The following TYW1B variants were observed in gnomAD, a reference collection of about 807,000 sequenced individuals.
The protein encoded by TYW1B is tRNA-yW synthesizing protein 1 homolog B.
Under a neutral mutation model 86.9 loss-of-function variants are expected in TYW1B, and 73 were observed. The observed-to-expected ratio is 0.84, with a 90% CI of 0.70 to 1.02. TYW1B has a LOEUF of 1.02. Among genes scored for constraint, TYW1B ranks in the 50% least tolerant of loss-of-function variants. TYW1B has a pLI of 0.00. For synonymous variants in TYW1B, 248 were observed against 292.8 expected (o/e 0.85, Z 1.56); for missense variants, 637 against 827.4 (o/e 0.77, Z 2.82).
intron 11 of TYW1B, among the ~76,000 whole-genome samples, chr7:72,663,199 G>A (rs1813376930): frequency 6.6e-6 from 1 of 151,634 alleles, no homozygotes; most frequent in African/African-American, 2.4e-5. Context: ...GGTTGTGGGG[G>A]GGTTGGCGGC....
intron 10 of TYW1B, among the ~76,000 whole-genome samples, chr7:72,701,600 C>T (rs1723117667): frequency 6.6e-6 from 1 of 152,160 alleles, no homozygotes. Context: ...CTCCGGAAAT[C>T]AGATACCTCT....
chr7:72,722,227 C>G (rs1156327247), intron 9 of TYW1B, among the ~76,000 whole-genome samples: 1 of 152,178 alleles, frequency 6.6e-6, no homozygotes, highest in Non-Finnish European at 1.5e-5. Context: ...CTTGTGAAAA[C>G]CATCTGTTGG....
chr7:72,608,927 T>C (rs1321845155), intron 13 of TYW1B, among the ~76,000 whole-genome samples: 3 of 152,234 alleles, frequency 2.0e-5, no homozygotes, highest in African/African-American at 4.8e-5. Context: ...TACATAAATC[T>C]ACACACAAAA....
rs1788979224 is a variant in TYW1B, at chr7:72,828,168, C to T, written c.-93G>A. On this transcript the variant is annotated 5_prime_UTR_variant, in exon 1 of 14. Transcript: ENST00000620995. ...CGAGACGCACCGAGCTACCTCGCGG[C>T]GTTAGCGCCGTACCGAGTGGCTGCA... 3 of 1,585,630 alleles carry T rather than the reference C, an allele frequency of 1.9e-6. No homozygotes were observed. The highest frequency in any genetic ancestry group is 1.3e-5 in the African/African-American group (1 of 74,448).
intron 9 of TYW1B, among the ~76,000 whole-genome samples, chr7:72,715,994 A>G (rs1467007639): frequency 1.3e-5 from 2 of 152,156 alleles, no homozygotes; most frequent in Non-Finnish European, 2.9e-5. Context: ...GCAGTGGCAC[A>G]ATCTCAGCTC....
rs781892655 is a variant in TYW1B at position 72,744,487 on chromosome 7, C to T, written c.1079G>A (p.Trp360Ter). 2 of 1,613,350 alleles carry T rather than the reference C, an allele frequency of 1.2e-6. No individual in the cohort carries two copies. The highest frequency in any genetic ancestry group is 1.7e-6 in the Non-Finnish European group (2 of 1,179,532). ...LACANKCVFC[W>*]WHHNNPVGTE... ...ATGACCTTTCATTTTTACTTACCAC[C>T]AACAGAAGACACATTTATTAGCACA... The change falls in exon 8 of 14, where the codon TGG becomes TAG. Residue 360 changes from tryptophan (W) to a stop codon, truncating the protein, a stop_gained. Transcript: ENST00000620995. LOFTEE classifies it high-confidence loss of function.
intron 11 of TYW1B, among the ~76,000 whole-genome samples, chr7:72,685,498 A>G (rs1206869187): frequency 6.6e-6 from 1 of 152,236 alleles, no homozygotes; most frequent in African/African-American, 2.4e-5. Context: ...GCCCAGGAAA[A>G]GAGTCACACA....
intron 9 of TYW1B, among the ~76,000 whole-genome samples, chr7:72,726,517 C>G (rs1335061572): frequency 1.3e-5 from 2 of 151,912 alleles, no homozygotes; most frequent in Non-Finnish European, 2.9e-5. Context: ...GCCCACACCA[C>G]CATGCCTGGC....
chr7:72,776,167 G>A (rs782648432), intron 7 of TYW1B, among the ~76,000 whole-genome samples: 6 of 151,970 alleles, frequency 3.9e-5, no homozygotes, highest in Middle Eastern at 3.4e-3. Context: ...AAAAGTAAAA[G>A]TAAAATGTGT....
chr7:72,739,568 T>G (rs1360584355), intron 8 of TYW1B, among the ~76,000 whole-genome samples: 1 of 148,948 alleles, frequency 6.7e-6, no homozygotes, highest in Non-Finnish European at 1.5e-5. Context: ...ATCATGCCAT[T>G]GCACTCCAGC....
intron 8 of TYW1B, among the ~76,000 whole-genome samples, chr7:72,742,828 C>A (rs1259284965): frequency 6.6e-6 from 1 of 151,694 alleles, no homozygotes; most frequent in African/African-American, 2.4e-5. Context: ...AACTCTTGTG[C>A]CAATATGGAG....
intron 11 of TYW1B, among the ~76,000 whole-genome samples, chr7:72,631,265 C>A (rs1812481820): frequency 6.6e-6 from 1 of 152,138 alleles, no homozygotes; most frequent in Non-Finnish European, 1.5e-5. Flanking sequence ...GTAATCCCAG[C>A]ACTTTGGGAG....
chr7:72,794,787 C>T (rs1431369659), intron 6 of TYW1B, among the ~76,000 whole-genome samples: 1 of 151,378 alleles, frequency 6.6e-6, no homozygotes, highest in Non-Finnish European at 1.5e-5. Context: ...ACCTCTATGA[C>T]AGCAGTGATC....
Position 72,773,494 on chromosome 7 carries a change from G to A in TYW1B, c.964+3922C>T, listed in dbSNP as rs200054223. Reference sequence around the variant, plus strand: ...TCCAGGCCATGTAGCAAAGAGAGACGACCCAAGCGAAGCCCAGTGGACTCT... The same window carrying A: ...TCCAGGCCATGTAGCAAAGAGAGACAACCCAAGCGAAGCCCAGTGGACTCT... On this transcript the variant is annotated intron_variant, in intron 7 of 13. Transcript: ENST00000620995. Among the ~76,000 whole-genome samples, 137 of 152,238 alleles carry A rather than the reference G, an allele frequency of 9.0e-4. 3 individuals carry two copies. In the South Asian group the frequency reaches 0.014, roughly 16 times the overall value.
intron 7 of TYW1B, among the ~76,000 whole-genome samples, chr7:72,776,019 C>G (rs1345754271): frequency 3.9e-5 from 6 of 152,240 alleles, no homozygotes; most frequent in African/African-American, 1.4e-4. Flanking sequence ...TGGTGGCTTA[C>G]ACCTGTAGTC....
intron 11 of TYW1B, among the ~76,000 whole-genome samples, chr7:72,655,430 C>T (rs1267226559): frequency 2.0e-5 from 3 of 152,168 alleles, no homozygotes; most frequent in Admixed American, 6.5e-5. Flanking sequence ...TTGAGCTCAA[C>T]CCCCACCAGA....
chr7:72,738,720 T>A (rs34192178), intron 8 of TYW1B, among the ~76,000 whole-genome samples: 2 of 152,198 alleles, frequency 1.3e-5, no homozygotes, highest in South Asian at 2.1e-4. Flanking sequence ...AGAGATACTT[T>A]TAGTGTTTTG....
At chr7:72,795,043 C>A (rs1788282502) in intron 6 of TYW1B, among the ~76,000 whole-genome samples, 1 of 151,802 alleles carries the variant, frequency 6.6e-6, no homozygotes, top group Admixed American at 6.6e-5. Flanking sequence ...TGGTCTCAAA[C>A]CCCTGAGTTT....
chr7:72,802,123 C>T (rs1292338354), intron 6 of TYW1B, among the ~76,000 whole-genome samples: 5 of 151,718 alleles, frequency 3.3e-5, no homozygotes, highest in Non-Finnish European at 5.9e-5. Flanking sequence ...ATGTGGCCCA[C>T]GAAAGCCAAA....
Sources: gnomAD v4.1 joint callset for allele counts (sites outside exome capture counted in the v4.1 genomes callset) on GRCh38, gnomAD v4.1.1 for gene constraint, MANE v1.5 for transcripts, NCBI Gene and HGNC (gene_info 2026-07-23, HGNC 2026-07-21) for gene names.